NFATC2: variants seen among roughly 807,000 people sequenced by gnomAD.
NFATC2 encodes nuclear factor of activated T cells 2.
A neutral mutation model predicts 87.3 loss-of-function variants in NFATC2; 22 were observed. The observed-to-expected ratio is 0.25, with a 90% CI of 0.18 to 0.36. The LOEUF (loss-of-function observed/expected upper bound fraction) is 0.36, where lower values mean the gene tolerates loss of function less well. Ranked by LOEUF, NFATC2 falls within the 10% of genes least tolerant of loss-of-function variation. The probability of loss-of-function intolerance (pLI) is 1.00; values close to 1 mark genes in which losing one functional copy is unlikely to be tolerated. For synonymous variants in NFATC2, 565 were observed against 542.2 expected, an observed-to-expected ratio of 1.04 and a Z score of -0.58; for missense variants, 1,149 against 1,259.1, an observed-to-expected ratio of 0.91 and a Z score of 1.32.
chr20:51,435,556 G>T, intron 7 of NFATC2, 150 bp downstream of exon 7: 1 of 895,908 alleles, frequency 1.1e-6, no homozygotes, highest in Non-Finnish European at 1.7e-6. Flanking sequence ...AATAAATGTT[G>T]AACTCACTCA....
intron 2 of NFATC2, among the ~76,000 whole-genome samples, chr20:51,521,218 T>G (rs918794295): frequency 6.6e-6 from 1 of 152,260 alleles, no homozygotes; most frequent in South Asian, 2.1e-4. Context: ...CATTTTCATC[T>G]GGTATGGGGG....
At chr20:51,497,132 G>A (rs1244238580) in intron 3 of NFATC2, among the ~76,000 whole-genome samples, 2 of 152,280 alleles carry the variant, frequency 1.3e-5, no homozygotes, top group South Asian at 4.2e-4. Flanking sequence ...TAGCACCCAG[G>A]TTACTAACAA....
At chr20:51,562,759 C>A, upstream of NFATC2, 1 of 814,892 alleles carries the variant, frequency 1.2e-6, no homozygotes, top group Non-Finnish European at 1.9e-6. This position sits in a 1 kb window ranked among gnomAD's most constrained non-coding sequence, Gnocchi z 5.8. Flanking sequence ...CTCGGAGCGA[C>A]CCGGGAGCTG....
upstream of NFATC2, among the ~76,000 whole-genome samples, chr20:51,547,341 C>T (rs150033252): frequency 8.9e-3 from 1,358 of 152,216 alleles, 11 homozygotes; most frequent in Non-Finnish European, 0.013. Context: ...TACCTCTCTT[C>T]CTCTTCTAGG....
intron 9 of NFATC2, among the ~76,000 whole-genome samples, chr20:51,403,385 T>C (rs1246017749): frequency 6.6e-6 from 1 of 152,206 alleles, no homozygotes; most frequent in Non-Finnish European, 1.5e-5. Flanking sequence ...GCAAGGACTG[T>C]ATTCATGGGT....
chr20:51,490,028 C>G (rs2075855570), intron 3 of NFATC2, among the ~76,000 whole-genome samples: 1 of 152,190 alleles, frequency 6.6e-6, no homozygotes, highest in South Asian at 2.1e-4. Context: ...ATTTAAAATT[C>G]AATTCAAGTC....
rs184616112 is a variant in NFATC2, at chr20:51,433,174, A to G, written c.2033-418T>C. Among the ~76,000 whole-genome samples, 299 of 152,272 alleles carry G rather than the reference A, an allele frequency of 2.0e-3. 4 individuals carry two copies. Among genetic ancestry groups the G allele is most frequent in the Non-Finnish European group, 3.7e-4 (25 of 68,022 alleles). On this transcript the variant is annotated intron_variant, in intron 8 of 10. Transcript: ENST00000371564. ...GTCAGAAATGTCATAGATGCTTTAC[A>G]TGCTGATTTATTACCTAAATACGCC...
intron 6 of NFATC2, among the ~76,000 whole-genome samples, chr20:51,444,877 G>A (rs548370170): frequency 1.3e-5 from 2 of 152,094 alleles, no homozygotes; most frequent in South Asian, 2.1e-4. Flanking sequence ...TCAGCCGCCC[G>A]ACAGGGTAAC....
rs146430907 is a variant in NFATC2 at position 51,427,634 on chromosome 20, C to T, written c.2722+4433G>A. Among the ~76,000 whole-genome samples, 6 of 152,338 alleles carry T rather than the reference C, an allele frequency of 3.9e-5. No individual in the cohort carries two copies. The East Asian group carries it at 9.7e-4, about 25-fold the overall frequency. ...TAAATCAAACCACGCTGCACTGCTG[C>T]TGAAAGCCTGCGGGAGCAAGCCCAC... On this transcript the variant is annotated intron_variant, in intron 9 of 10. Coordinates refer to ENST00000371564, the MANE Select transcript of NFATC2 (RefSeq NM_012340.5).
chr20:51,405,346 A>T (rs948618476), intron 9 of NFATC2, among the ~76,000 whole-genome samples: 1 of 152,212 alleles, frequency 6.6e-6, no homozygotes, highest in African/African-American at 2.4e-5. Context: ...GACTGGAGAC[A>T]CCACTCAGGA....
At chr20:51,528,085 CAAA>C (rs56201141) in intron 1 of NFATC2, among the ~76,000 whole-genome samples, 33 of 94,210 alleles carry the variant, frequency 3.5e-4, no homozygotes, top group Admixed American at 1.1e-3. Flanking sequence ...GAACCTGTCC[CAAA>C]AAAAAAAAAA....
At chr20:51,515,224 C>A (rs555591857) in intron 3 of NFATC2, among the ~76,000 whole-genome samples, 6 of 152,116 alleles carry the variant, frequency 3.9e-5, no homozygotes, top group African/African-American at 1.4e-4. Context: ...AGAGATGGTG[C>A]GAGGTTTACC....
At chr20:51,421,410 G>A (rs982406237) in intron 9 of NFATC2, among the ~76,000 whole-genome samples, 4 of 152,182 alleles carry the variant, frequency 2.6e-5, no homozygotes, top group African/African-American at 7.2e-5. Context: ...TGGCACTTCC[G>A]TAATGGGGGC....
At chr20:51,413,192 A>G (rs561424084) in intron 9 of NFATC2, among the ~76,000 whole-genome samples, 4 of 151,806 alleles carry the variant, frequency 2.6e-5, no homozygotes, top group East Asian at 1.9e-4. Context: ...TGGCCAGCAC[A>G]TTTTTGAGGT....
chr20:51,393,429 A>G (rs1986607741), intron 10 of NFATC2, among the ~76,000 whole-genome samples: 2 of 132,292 alleles, frequency 1.5e-5, no homozygotes, highest in South Asian at 4.7e-4. Flanking sequence ...GATATGTATT[A>G]GAAATACATA....
At chr20:51,398,970 G>A (rs574662412) in intron 9 of NFATC2, 6 of 446,992 alleles carry the variant, frequency 1.3e-5, no homozygotes, top group African/African-American at 2.0e-5. Flanking sequence ...TGTGGGGTGT[G>A]GGATCAGGGG....
At chr20:51,495,409 A>C (rs1268954685) in intron 3 of NFATC2, among the ~76,000 whole-genome samples, 2 of 152,198 alleles carry the variant, frequency 1.3e-5, no homozygotes, top group Non-Finnish European at 2.9e-5. Flanking sequence ...TTTCTTAAAA[A>C]GACTTGTGTG....
At chr20:51,527,515 C>A (rs2076564275) in intron 1 of NFATC2, among the ~76,000 whole-genome samples, 1 of 152,158 alleles carries the variant, frequency 6.6e-6, no homozygotes, top group Non-Finnish European at 1.5e-5. Flanking sequence ...TCGAGATCCA[C>A]CCCCACCAAT....
chr20:51,472,794 C>G (rs989321132), intron 5 of NFATC2, among the ~76,000 whole-genome samples: 1 of 151,992 alleles, frequency 6.6e-6, no homozygotes, highest in South Asian at 2.1e-4. Flanking sequence ...TACCACCACA[C>G]CCGGCTAATT....
Sources: allele counts gnomAD v4.1 joint callset (sites outside exome capture counted in the v4.1 genomes callset), GRCh38; gene constraint gnomAD v4.1.1; non-coding constraint Gnocchi (gnomAD v3.1); transcripts MANE v1.5; gene names NCBI Gene and HGNC (gene_info 2026-07-23, HGNC 2026-07-21).